ARHGAP35: variants seen among roughly 807,000 people sequenced by gnomAD.
ARHGAP35 encodes the protein Rho GTPase activating protein 35.
A neutral mutation model predicts 111.1 loss-of-function variants in ARHGAP35; 15 were observed. That is an observed-to-expected ratio of 0.13 (90% CI 0.09 to 0.21). The LOEUF (loss-of-function observed/expected upper bound fraction) is 0.21. Among genes scored for constraint, ARHGAP35 ranks in the 10% least tolerant of loss-of-function variants. ARHGAP35 has a pLI of 1.00. For synonymous variants in ARHGAP35, 643 were observed against 710.3 expected (o/e 0.91, Z 1.51); for missense variants, 1,262 against 1,873.0 (o/e 0.67, Z 6.02).
intron 3 of ARHGAP35, among the ~76,000 whole-genome samples, chr19:46,951,609 T>C (rs1478948773): frequency 1.3e-5 from 2 of 152,104 alleles, no homozygotes; most frequent in South Asian, 4.1e-4. Flanking sequence ...CTTTGAGTCA[T>C]GAGATGATTC....
At chr19:46,970,245 T>G (rs1421487415) in intron 3 of ARHGAP35, among the ~76,000 whole-genome samples, 1 of 152,216 alleles carries the variant, frequency 6.6e-6, no homozygotes, top group Non-Finnish European at 1.5e-5. Flanking sequence ...GGCAATATAT[T>G]GCACACAAGC....
chr19:46,871,807 T>C (rs1464553536), intron 1 of ARHGAP35, among the ~76,000 whole-genome samples: 5 of 151,726 alleles, frequency 3.3e-5, no homozygotes, highest in African/African-American at 4.8e-5. Flanking sequence ...GGTGAAACCC[T>C]GTCTCTACTA....
At chr19:46,913,346 T>G (rs1011779527) in intron 1 of ARHGAP35, among the ~76,000 whole-genome samples, 1 of 151,804 alleles carries the variant, frequency 6.6e-6, no homozygotes, top group South Asian at 2.1e-4. Flanking sequence ...GTATGAACTT[T>G]CCCAGTCATA....
rs2056376837 is a variant in ARHGAP35 at position 46,945,927 on chromosome 19, C to G, written c.3826+8519C>G. On this transcript the variant is annotated intron_variant, in intron 3 of 6. Coordinates refer to ENST00000672722, the MANE Select transcript of ARHGAP35 (RefSeq NM_004491.5). The surrounding 1 kb of genome is among the most constrained non-coding windows in gnomAD (Gnocchi z 4.1). Reference sequence around the variant, plus strand: ...TTGGTTTGCTTACTGAGATGACCAACCCTCCACATCTCTAGCCAGTGCTGT... The same window carrying G: ...TTGGTTTGCTTACTGAGATGACCAAGCCTCCACATCTCTAGCCAGTGCTGT... 1.3e-5 allele frequency among the ~76,000 whole-genome samples: 2 copies of G among 152,302 alleles called. No individual in the cohort carries two copies. Among genetic ancestry groups the G allele is most frequent in the African/African-American group, 4.8e-5 (2 of 41,572 alleles).
At chr19:46,957,896 A>G (rs914239661) in intron 3 of ARHGAP35, among the ~76,000 whole-genome samples, 2 of 152,200 alleles carry the variant, frequency 1.3e-5, no homozygotes, top group Non-Finnish European at 2.9e-5. Flanking sequence ...GAATAGGTAT[A>G]GAAGGAGGGA....
intron 3 of ARHGAP35, among the ~76,000 whole-genome samples, chr19:46,944,192 C>T (rs1568474985): frequency 6.6e-6 from 1 of 150,984 alleles, no homozygotes; most frequent in African/African-American, 2.4e-5. Flanking sequence ...CCCAGCTACT[C>T]AGAGGCTGAG....
At chr19:46,940,266 G>A (rs1321715355) in intron 3 of ARHGAP35, among the ~76,000 whole-genome samples, 1 of 151,732 alleles carries the variant, frequency 6.6e-6, no homozygotes, top group Non-Finnish European at 1.5e-5. Flanking sequence ...GGCTGAAGCA[G>A]GAGAATCGCT....
chr19:46,866,856 A>G (rs2055860482), intron 1 of ARHGAP35, among the ~76,000 whole-genome samples: 1 of 152,250 alleles, frequency 6.6e-6, no homozygotes, highest in Non-Finnish European at 1.5e-5. Context: ...TATTAGCTAC[A>G]TAACTAAAAC....
chr19:46,915,903 A>G (rs2056159575), intron 1 of ARHGAP35, among the ~76,000 whole-genome samples: 2 of 147,758 alleles, frequency 1.4e-5, no homozygotes, highest in Admixed American at 1.4e-4. Context: ...GTGGTTCCCC[A>G]TAGCCTTCAG....
chr19:46,937,172 C>T, intron 2 of ARHGAP35, 92 bp from the exon 3 acceptor site: 3 of 1,434,530 alleles, frequency 2.1e-6, no homozygotes, highest in Non-Finnish European at 2.9e-6. Flanking sequence ...AGTTTTTATA[C>T]CACTGCTTCC....
intron 1 of ARHGAP35, among the ~76,000 whole-genome samples, chr19:46,896,864 C>G (rs935892043): frequency 3.9e-5 from 6 of 152,064 alleles, no homozygotes; most frequent in Admixed American, 3.9e-4. Context: ...TAAAAATGTT[C>G]AAGCATTTAT....
intron 1 of ARHGAP35, among the ~76,000 whole-genome samples, chr19:46,905,439 G>A (rs950045319): frequency 1.1e-4 from 16 of 150,662 alleles, no homozygotes; most frequent in Middle Eastern, 3.2e-3. Flanking sequence ...GCAGTGGCGC[G>A]ATCTTGGCTC....
chr19:46,869,337 A>G (rs2055875332), intron 1 of ARHGAP35, among the ~76,000 whole-genome samples: 1 of 152,084 alleles, frequency 6.6e-6, no homozygotes, highest in African/African-American at 2.4e-5. Flanking sequence ...CACGCCTGTA[A>G]TCCCAGCACT....
intron 2 of ARHGAP35, among the ~76,000 whole-genome samples, chr19:46,929,256 A>G (rs1406606791): frequency 6.6e-6 from 1 of 152,204 alleles, no homozygotes; most frequent in Non-Finnish European, 1.5e-5. Flanking sequence ...AACCAAGAAT[A>G]CATTTGGAGC....
chr19:46,957,851 T>C (rs2056449650), intron 3 of ARHGAP35, among the ~76,000 whole-genome samples: 1 of 152,212 alleles, frequency 6.6e-6, no homozygotes, highest in African/African-American at 2.4e-5. Flanking sequence ...TAGGGCATGG[T>C]CTCTGCTATT....
chr19:46,921,583 T>C lies in ARHGAP35; in HGVS notation c.2908T>C (p.Ser970Pro). 6.2e-7 allele frequency: 1 copy of C among 1,613,652 alleles called. No individual in the cohort carries two copies. Among genetic ancestry groups the C allele is most frequent in the Non-Finnish European group, 8.5e-7 (1 of 1,179,836 alleles). ...ACSTTEEVFN[S>P]PRAGSPLCNS... ...TAGCACCACCGAAGAGGTGTTTAACTCCCCCCGGGCAGGATCACCGCTCTG... is the reference window on the plus strand; with the variant it reads ...TAGCACCACCGAAGAGGTGTTTAACCCCCCCCGGGCAGGATCACCGCTCTG... The change falls in exon 2 of 7, where the codon TCC (serine) becomes CCC (proline). Residue 970 changes from serine (S) to proline (P), a missense_variant. Ser to Pro is a moderately conservative substitution (Grantham distance 74). Transcript: ENST00000672722. This position sits in a 1 kb window ranked among gnomAD's most constrained non-coding sequence, Gnocchi z 4.3.
chr19:46,963,265 T>C (rs982372625), intron 3 of ARHGAP35, among the ~76,000 whole-genome samples: 1 of 152,180 alleles, frequency 6.6e-6, no homozygotes, highest in African/African-American at 2.4e-5. Flanking sequence ...CTGTTGTCTT[T>C]GATTGGAAAT....
intron 1 of ARHGAP35, among the ~76,000 whole-genome samples, chr19:46,867,647 G>C (rs2055865615): frequency 6.6e-6 from 1 of 152,162 alleles, no homozygotes; most frequent in Admixed American, 6.5e-5. Context: ...CTGAGGATGA[G>C]GAGCCTCTTA....
In ARHGAP35 at chr19:46,992,216, TA is replaced by T. The variant is rs1466389718; in HGVS notation, c.4036+2543del. Among the ~76,000 whole-genome samples the T allele has an allele frequency of 6.6e-6, 1 of 152,140 alleles. No individual in the cohort carries two copies. Among genetic ancestry groups the T allele is most frequent in the Non-Finnish European group, 1.5e-5 (1 of 68,032 alleles). On this transcript the variant is annotated intron_variant, in intron 5 of 6. Coordinates refer to ENST00000672722, the MANE Select transcript of ARHGAP35 (RefSeq NM_004491.5). This position sits in a 1 kb window ranked among gnomAD's most constrained non-coding sequence, Gnocchi z 4.4. ...TCTTCCTTTGAGGAAGATGGTATTA[TA>T]ATACATCTCCATTTTACAGAGAAGG...
Sources: allele counts gnomAD v4.1 joint callset (sites outside exome capture counted in the v4.1 genomes callset), GRCh38; gene constraint gnomAD v4.1.1; non-coding constraint Gnocchi (gnomAD v3.1); transcripts MANE v1.5; gene names NCBI Gene and HGNC (gene_info 2026-07-23, HGNC 2026-07-21).